Variants in TSHZ2 observed in about 807,000 individuals in gnomAD.
TSHZ2 encodes teashirt zinc finger homeobox 2.
A neutral mutation model predicts 74.4 loss-of-function variants in TSHZ2; 21 were observed. The ratio of observed to expected loss-of-function variants is 0.28; its 90% CI spans 0.20 to 0.41. The LOEUF is 0.41. Ranked by LOEUF, TSHZ2 falls within the 10% of genes least tolerant of loss-of-function variation. TSHZ2 has a pLI of 1.00. For synonymous variants in TSHZ2, 540 were observed against 515.3 expected (o/e 1.05, Z -0.65); for missense variants, 1,244 against 1,293.5 (o/e 0.96, Z 0.59).
intron 1 of TSHZ2, among the ~76,000 whole-genome samples, chr20:53,224,374 C>T (rs1384438711): frequency 1.3e-5 from 2 of 152,148 alleles, no homozygotes; most frequent in Non-Finnish European, 2.9e-5. Context: ...TGAAACAAAG[C>T]TAGGACCCAA....
At chr20:53,381,665 C>T (rs541484848) in intron 2 of TSHZ2, among the ~76,000 whole-genome samples, 6 of 152,244 alleles carry the variant, frequency 3.9e-5, no homozygotes, top group Admixed American at 2.6e-4. Context: ...AGGGATTTCC[C>T]ACTTGCCTTC....
chr20:53,367,348 G>A (rs1981300773), intron 2 of TSHZ2, among the ~76,000 whole-genome samples: 1 of 151,832 alleles, frequency 6.6e-6, no homozygotes, highest in Admixed American at 6.6e-5. Flanking sequence ...AGGCTGCAGT[G>A]AGCCGAGATC....
chr20:53,013,665 C>T (rs1036227283), intron 1 of TSHZ2, among the ~76,000 whole-genome samples: 13 of 152,134 alleles, frequency 8.5e-5, no homozygotes, highest in African/African-American at 2.9e-4. Context: ...CTGTTTTGTT[C>T]ACCATAAGCT....
intron 1 of TSHZ2, among the ~76,000 whole-genome samples, chr20:53,035,701 A>G (rs1329513704): frequency 1.3e-5 from 2 of 152,228 alleles, no homozygotes; most frequent in African/African-American, 4.8e-5. Flanking sequence ...ACTCTCAGGG[A>G]GCTTTCAGTT....
At chr20:53,053,573 A>ATG (rs912276682) in intron 1 of TSHZ2, among the ~76,000 whole-genome samples, 25 of 68,164 alleles carry the variant, frequency 3.7e-4, no homozygotes, top group Middle Eastern at 5.8e-3. Flanking sequence ...ATGTATGTAT[A>ATG]TGTGTGTGTA....
At chr20:53,370,716 A>G (rs1335764170) in intron 2 of TSHZ2, among the ~76,000 whole-genome samples, 1 of 152,174 alleles carries the variant, frequency 6.6e-6, no homozygotes, top group African/African-American at 2.4e-5. Flanking sequence ...GTGAGCCGTG[A>G]TGATGACACT....
chr20:53,195,036 G>A (rs1401330301), intron 1 of TSHZ2, among the ~76,000 whole-genome samples: 5 of 152,122 alleles, frequency 3.3e-5, no homozygotes, highest in Admixed American at 2.6e-4. Flanking sequence ...TCACCTTCGG[G>A]AAGGTGGGGA....
intron 2 of TSHZ2, among the ~76,000 whole-genome samples, chr20:53,258,131 T>C (rs1990521000): frequency 6.6e-6 from 1 of 152,242 alleles, no homozygotes; most frequent in South Asian, 2.1e-4. Context: ...TAGACCCAAA[T>C]GAAGACTATC....
At chr20:53,012,981 C>T (rs936097958) in intron 1 of TSHZ2, among the ~76,000 whole-genome samples, 6 of 152,120 alleles carry the variant, frequency 3.9e-5, no homozygotes, top group African/African-American at 1.4e-4. Context: ...ACAAGCTACC[C>T]TAGTTGATAA....
intron 1 of TSHZ2, among the ~76,000 whole-genome samples, chr20:53,110,085 G>T (rs1397919863): frequency 6.6e-6 from 1 of 152,118 alleles, no homozygotes; most frequent in African/African-American, 2.4e-5. Flanking sequence ...GTTTCAGCAT[G>T]CCAGGCTTGT....
intron 1 of TSHZ2, among the ~76,000 whole-genome samples, chr20:53,137,513 C>A (rs1293788431): frequency 1.3e-5 from 2 of 152,098 alleles, no homozygotes; most frequent in East Asian, 1.9e-4. Context: ...CATTAAGGAG[C>A]CACGTCTAGC....
At chr20:53,246,354 T>G (rs1390353662) in intron 1 of TSHZ2, among the ~76,000 whole-genome samples, 1 of 152,152 alleles carries the variant, frequency 6.6e-6, no homozygotes, top group Non-Finnish European at 1.5e-5. Context: ...ACTGTGCTTT[T>G]GATGTGCCAT....
rs554191653 is a variant in TSHZ2, at chr20:53,237,291, A to G, written c.41-16208A>G. On this transcript the variant is annotated intron_variant, in intron 1 of 2. Coordinates refer to ENST00000371497, the MANE Select transcript of TSHZ2 (RefSeq NM_173485.6). ...AATGCCTCTAATTGACTTAAACAGA[A>G]CAGTTTTTTGTGTGTGTTTGGAGCC... 3.9e-5 allele frequency among the ~76,000 whole-genome samples: 6 copies of G among 152,270 alleles called. No homozygotes were observed. The East Asian group carries it at 1.2e-3, about 29-fold the overall frequency.
Position 53,049,486 on chromosome 20 carries a change from A to G in TSHZ2, c.40+76153A>G, listed in dbSNP as rs1984345538. On this transcript the variant is annotated intron_variant, in intron 1 of 2. Coordinates refer to ENST00000371497, the MANE Select transcript of TSHZ2 (RefSeq NM_173485.6). ...CTTTTCCCAAGCTGAGGCACATCCC[A>G]TCCCCAGTGACGTAGGGAGTCTTAG... Among the ~76,000 whole-genome samples, 4 of 152,266 alleles carry G rather than the reference A, an allele frequency of 2.6e-5. No homozygotes were observed. The South Asian group carries it at 6.2e-4, about 24-fold the overall frequency.
At chr20:53,026,112 T>C (rs1253483569) in intron 1 of TSHZ2, among the ~76,000 whole-genome samples, 1 of 152,088 alleles carries the variant, frequency 6.6e-6, no homozygotes, top group East Asian at 1.9e-4. Flanking sequence ...AGCTTCCTCT[T>C]CCCAACACAC....
chr20:53,411,847 A>T (rs1380114472), intron 2 of TSHZ2, among the ~76,000 whole-genome samples: 3 of 152,240 alleles, frequency 2.0e-5, no homozygotes, highest in African/African-American at 7.2e-5. Flanking sequence ...AAATAAAATA[A>T]AAAAAAGAGT....
chr20:53,225,277 G>T (rs1600752230), intron 1 of TSHZ2, among the ~76,000 whole-genome samples: 2 of 152,194 alleles, frequency 1.3e-5, no homozygotes, highest in South Asian at 4.1e-4. Flanking sequence ...CATACTTACA[G>T]ACCATTCCAT....
intron 1 of TSHZ2, among the ~76,000 whole-genome samples, chr20:53,156,146 C>T (rs1987788905): frequency 6.6e-6 from 1 of 152,144 alleles, no homozygotes; most frequent in Admixed American, 6.5e-5. Context: ...GTATCCTTTA[C>T]CATTTTTATT....
chr20:53,046,540 T>G (rs1984233775), intron 1 of TSHZ2, among the ~76,000 whole-genome samples: 1 of 152,134 alleles, frequency 6.6e-6, no homozygotes, highest in Non-Finnish European at 1.5e-5. Context: ...TTGCTAGAAG[T>G]CTGCGGTGAA....
Sources: allele counts gnomAD v4.1 joint callset (sites outside exome capture counted in the v4.1 genomes callset), GRCh38; gene constraint gnomAD v4.1.1; transcripts MANE v1.5; gene names NCBI Gene and HGNC (gene_info 2026-07-23, HGNC 2026-07-21).